Variants in FAM118B observed in about 807,000 individuals in gnomAD.
FAM118B encodes protein FAM118B.
Under a neutral mutation model 38.5 loss-of-function variants are expected in FAM118B, and 24 were observed. That is an observed-to-expected ratio of 0.62 (90% CI 0.45 to 0.88). The LOEUF is 0.88. Among genes scored for constraint, FAM118B ranks in the 40% least tolerant of loss-of-function variants. The pLI is 0.00. For missense variants in FAM118B, 334 were observed against 420.0 expected (o/e 0.80, Z 1.79); for synonymous variants, 138 against 156.3 (o/e 0.88, Z 0.87).
At chr11:126,215,881 C>A (rs1217024418) in intron 1 of FAM118B, among the ~76,000 whole-genome samples, 14 of 151,788 alleles carry the variant, frequency 9.2e-5, no homozygotes, top group Non-Finnish European at 1.5e-5. Flanking sequence ...TGGTGACGCA[C>A]CTATGGTCCT....
intron 4 of FAM118B, among the ~76,000 whole-genome samples, chr11:126,245,669 G>T (rs1950410256): frequency 6.6e-6 from 1 of 151,954 alleles, no homozygotes; most frequent in Non-Finnish European, 1.5e-5. Flanking sequence ...ACCTCAGCCT[G>T]GGCAACATAG....
At chr11:126,239,121 G>A (rs565288293) in intron 3 of FAM118B, among the ~76,000 whole-genome samples, 3 of 151,978 alleles carry the variant, frequency 2.0e-5, no homozygotes, top group South Asian at 4.1e-4. Flanking sequence ...GACTACAGAC[G>A]TGCCTAATTT....
intron 3 of FAM118B, among the ~76,000 whole-genome samples, chr11:126,239,581 T>C (rs1387584314): frequency 6.6e-6 from 1 of 152,202 alleles, no homozygotes. Flanking sequence ...TGTTCATGGA[T>C]ACATGACTCC....
chr11:126,227,606 C>G (rs1034773154), intron 1 of FAM118B, among the ~76,000 whole-genome samples: 1 of 152,118 alleles, frequency 6.6e-6, no homozygotes, highest in African/African-American at 2.4e-5. Context: ...CTAAGAATAA[C>G]TGTAACACGA....
intron 4 of FAM118B, among the ~76,000 whole-genome samples, chr11:126,245,996 CAAAA>C (rs537478587): frequency 2.4e-5 from 2 of 82,262 alleles, no homozygotes; most frequent in East Asian, 3.3e-4. Flanking sequence ...GACTCCGTCC[CAAAA>C]AAAAAAAAAA....
rs369618932 is a variant in FAM118B, at chr11:126,252,143, C to T, written c.567+1410C>T. Among the ~76,000 whole-genome samples the T allele has an allele frequency of 6.6e-6, 1 of 151,990 alleles. No individual in the cohort carries two copies. Among genetic ancestry groups the T allele is most frequent in the South Asian group, 2.1e-4 (1 of 4,816 alleles). On this transcript the variant is annotated intron_variant, in intron 5 of 8. Coordinates refer to ENST00000533050, the MANE Select transcript of FAM118B (RefSeq NM_024556.4). The surrounding 1 kb of genome is among the most constrained non-coding windows in gnomAD (Gnocchi z 4.7). ...CTGGGATTACAGGCACCCGCCATCA[C>T]GTCTGGCTAATTTTTGTATTTTCAG...
At chr11:126,261,568 C>A in intron 8 of FAM118B, 84 bp downstream of exon 8, 1 of 1,167,118 alleles carries the variant, frequency 8.6e-7, no homozygotes, top group Non-Finnish European at 1.3e-6. Context: ...GAGAATGTTA[C>A]TTTGGACCTC....
At chr11:126,234,638 A>T (rs1437721473) in intron 2 of FAM118B, among the ~76,000 whole-genome samples, 1 of 152,186 alleles carries the variant, frequency 6.6e-6, no homozygotes, top group African/African-American at 2.4e-5. Context: ...GTCTTCCGCA[A>T]ACCCATCTTG....
In FAM118B at chr11:126,244,768, A is replaced by G. The variant is rs1047211480; in HGVS notation, c.339+3724A>G. On this transcript the variant is annotated intron_variant, in intron 4 of 8. Coordinates refer to ENST00000533050, the MANE Select transcript of FAM118B (RefSeq NM_024556.4). The surrounding 1 kb of genome is among the most constrained non-coding windows in gnomAD (Gnocchi z 4.5). ...CAGCGAGCCAGGATCCCTCCACTGC[A>G]CTCCAGCCTGGGCAACAAGAGCGAA... 6.6e-6 allele frequency among the ~76,000 whole-genome samples: 1 copy of G among 152,156 alleles called. No homozygotes were observed. Among genetic ancestry groups the G allele is most frequent in the African/African-American group, 2.4e-5 (1 of 41,426 alleles).
At chr11:126,247,250 C>A (rs1329452215) in intron 4 of FAM118B, among the ~76,000 whole-genome samples, 1 of 152,136 alleles carries the variant, frequency 6.6e-6, no homozygotes, top group Non-Finnish European at 1.5e-5. Context: ...CACGTTCATG[C>A]CACTGTACTC....
In FAM118B at chr11:126,261,455, G is replaced by C; in HGVS notation, c.1013G>C (p.Gly338Ala). 1 of 1,613,894 alleles carries C rather than the reference G, an allele frequency of 6.2e-7. No individual in the cohort carries two copies. The highest frequency in any genetic ancestry group is 8.5e-7 in the Non-Finnish European group (1 of 1,179,834). ...ATGGTGAGAGAAGGTCAGCTAAATG[G>C]CTCATCTGCAGCACACAGTGAAATA... is the stretch of plus-strand genomic sequence containing the variant. ...AGMVREGQLNGSSAAHSEIRG... is the reference protein window; with the variant it reads ...AGMVREGQLNASSAAHSEIRG... The change falls in exon 8 of 9, where the codon GGC becomes GCC. Residue 338 changes from glycine (G) to alanine (A), a missense_variant. Physicochemically the swap from Gly to Ala is moderately conservative, Grantham distance 60 (BLOSUM62 0). Coordinates refer to ENST00000533050, the MANE Select transcript of FAM118B (RefSeq NM_024556.4).
Position 126,250,449 on chromosome 11 carries a change from A to G in FAM118B, c.340-57A>G, listed in dbSNP as rs1950486986. 1 of 1,244,492 alleles carries G rather than the reference A, an allele frequency of 8.0e-7. No individual in the cohort carries two copies. The highest frequency in any genetic ancestry group is 1.2e-6 in the Non-Finnish European group (1 of 860,506). The allele number at this position is 1,244,492 out of a possible 1,614,324, so 77.1% of individuals were successfully genotyped here. ...AAAATTTGTTACTGCTGTAACTAAA[A>G]CAACTGACCTACCAAAGCACTTTGG... On this transcript the variant is annotated intron_variant, in intron 4 of 8. Transcript: ENST00000533050. This position sits in a 1 kb window ranked among gnomAD's most constrained non-coding sequence, Gnocchi z 5.1.
intron 2 of FAM118B, among the ~76,000 whole-genome samples, chr11:126,230,648 T>G (rs1342873674): frequency 6.6e-6 from 1 of 152,220 alleles, no homozygotes; most frequent in East Asian, 1.9e-4. Context: ...TCTCTCCATT[T>G]GATTTATTTC....
At chr11:126,236,845 C>T (rs1009276404) in intron 3 of FAM118B, among the ~76,000 whole-genome samples, 3 of 143,202 alleles carry the variant, frequency 2.1e-5, no homozygotes, top group East Asian at 2.1e-4. Context: ...ATTTCTGTTG[C>T]GTTATTTTTG....
chr11:126,249,984 C>CTAT (rs1950475405), intron 4 of FAM118B, among the ~76,000 whole-genome samples: 1 of 151,966 alleles, frequency 6.6e-6, no homozygotes, highest in South Asian at 2.1e-4. Context: ...AGGAAGCTTA[C>CTAT]GTATAGTAGC....
chr11:126,219,349 C>CTTTTTTTTTTTTTTTTTTT lies in FAM118B; in HGVS notation c.-77+7541_-77+7559dup, dbSNP rs549922825. Among the ~76,000 whole-genome samples the CTTTTTTTTTTTTTTTTTTT allele has an allele frequency of 7.2e-4, 32 of 44,466 alleles. 8 individuals are homozygous for CTTTTTTTTTTTTTTTTTTT. The highest frequency in any genetic ancestry group is 1.1e-3 in the Non-Finnish European group (28 of 25,872). 29.2% of individuals were successfully genotyped at this position (44,466 alleles called of 152,430 possible). On this transcript the variant is annotated intron_variant, in intron 1 of 8. Transcript: ENST00000533050. ...AGCTTATCCTTCAGCTCTTGTTTATCTTTTTTTTTTTTTTTTTTTTTTTTT... is the reference window on the plus strand; with the variant it reads ...AGCTTATCCTTCAGCTCTTGTTTATCTTTTTTTTTTTTTTTTTTTTTTTTTTTTTTTTTTTTTTTTTTTT...
rs1950576200 is a variant in FAM118B, at chr11:126,256,205, G to T, written c.697-362G>T. ...CACTTGAACCAGGGTGGTGGAGGTTGCAGTAAGCCGAGGTCACACCACTAC... is the reference window on the plus strand; with the variant it reads ...CACTTGAACCAGGGTGGTGGAGGTTTCAGTAAGCCGAGGTCACACCACTAC... On this transcript the variant is annotated intron_variant, in intron 6 of 8. Coordinates refer to ENST00000533050, the MANE Select transcript of FAM118B (RefSeq NM_024556.4). This position sits in a 1 kb window ranked among gnomAD's most constrained non-coding sequence, Gnocchi z 6.6. 6.6e-6 allele frequency among the ~76,000 whole-genome samples: 1 copy of T among 152,210 alleles called. No individual in the cohort carries two copies. The highest frequency in any genetic ancestry group is 1.5e-5 in the Non-Finnish European group (1 of 68,036).
intron 1 of FAM118B, among the ~76,000 whole-genome samples, chr11:126,212,724 G>T (rs907614196): frequency 6.6e-6 from 1 of 152,038 alleles, no homozygotes; most frequent in Non-Finnish European, 1.5e-5. Context: ...ATTAGATTTG[G>T]GTTCTACACC....
At chr11:126,245,308 G>A (rs1950405752) in intron 4 of FAM118B, 1 of 151,674 alleles carries the variant, frequency 6.6e-6, no homozygotes, top group Non-Finnish European at 1.5e-5. Flanking sequence ...AACTTCATAT[G>A]AAATTACAAG....
Sources: gnomAD v4.1 joint callset for allele counts (sites outside exome capture counted in the v4.1 genomes callset) on GRCh38, gnomAD v4.1.1 for gene constraint, Gnocchi (gnomAD v3.1) non-coding constraint, MANE v1.5 for transcripts, NCBI Gene and HGNC (gene_info 2026-07-23, HGNC 2026-07-21) for gene names.